The following BAZ2B variants were observed in gnomAD, a reference collection of about 807,000 sequenced individuals.
BAZ2B encodes the protein bromodomain adjacent to zinc finger domain protein 2B.
A neutral mutation model predicts 246.0 loss-of-function variants in BAZ2B; 91 were observed. The ratio of observed to expected loss-of-function variants is 0.37; its 90% CI spans 0.31 to 0.44. The LOEUF is 0.44. Ranked by LOEUF, BAZ2B falls within the 20% of genes least tolerant of loss-of-function variation. The pLI, the probability that BAZ2B is intolerant of heterozygous loss-of-function variation, is 1.00. For synonymous variants in BAZ2B, 855 were observed against 860.0 expected, an observed-to-expected ratio of 0.99 and a Z score of 0.10; for missense variants, 2,332 against 2,533.7, an observed-to-expected ratio of 0.92 and a Z score of 1.71.
At chr2:159,550,854 G>A (rs773163141) in intron 2 of BAZ2B, among the ~76,000 whole-genome samples, 1 of 151,610 alleles carries the variant, frequency 6.6e-6, no homozygotes, top group Non-Finnish European at 1.5e-5. Context: ...AAATTTTTTT[G>A]AGGCAAGGTC....
the BAZ2B span, among the ~76,000 whole-genome samples, chr2:159,650,841 A>G: frequency 6.6e-6 from 1 of 152,164 alleles, no homozygotes; most frequent in African/African-American, 2.4e-5. Context: ...CTGAGACCAT[A>G]ATAGGGCCAA....
intron 1 of BAZ2B, among the ~76,000 whole-genome samples, chr2:159,586,874 T>C (rs1688130053): frequency 6.6e-6 from 1 of 152,186 alleles, no homozygotes; most frequent in South Asian, 2.1e-4. Flanking sequence ...ACTTACAGTT[T>C]GATCTTACAA....
At chr2:159,359,279 C>A (rs970360756) in intron 27 of BAZ2B, among the ~76,000 whole-genome samples, 1 of 152,142 alleles carries the variant, frequency 6.6e-6, no homozygotes, top group Admixed American at 6.5e-5. Flanking sequence ...GTGGATATCA[C>A]CACTGATCCC....
At chr2:159,428,963 G>A (rs1286307021) in intron 11 of BAZ2B, among the ~76,000 whole-genome samples, 1 of 152,092 alleles carries the variant, frequency 6.6e-6, no homozygotes, top group African/African-American at 2.4e-5. Flanking sequence ...TTTCAGTCAT[G>A]TTCCTACTTG....
chr2:159,561,893 A>C lies in BAZ2B; in HGVS notation c.-45-6028T>G, dbSNP rs570749784. ...GGAAACAGGTTTATTTTACCATAGA[A>C]TCTTTAACGTATAATAGAGCTTAGG... On this transcript the variant is annotated intron_variant, in intron 1 of 36. Coordinates refer to ENST00000392783, the MANE Select transcript of BAZ2B (RefSeq NM_013450.4). Among the ~76,000 whole-genome samples the C allele has an allele frequency of 4.2e-4, 64 of 152,290 alleles. 1 individual carries two copies. The South Asian group carries it at 0.013, about 30-fold the overall frequency.
chr2:159,677,063 T>C, the BAZ2B span, among the ~76,000 whole-genome samples: 1 of 149,280 alleles, frequency 6.7e-6, no homozygotes, highest in South Asian at 2.1e-4. Context: ...AGAAGTCCTG[T>C]ATTGTGCTGA....
intron 34 of BAZ2B, among the ~76,000 whole-genome samples, chr2:159,327,883 G>C (rs2063945911): frequency 6.6e-6 from 1 of 152,118 alleles, no homozygotes; most frequent in Non-Finnish European, 1.5e-5. Context: ...TGGCCAACAT[G>C]GTGAAACCCC....
At chr2:159,508,118 G>A (rs1361963957) in intron 2 of BAZ2B, among the ~76,000 whole-genome samples, 3 of 152,236 alleles carry the variant, frequency 2.0e-5, no homozygotes, top group Admixed American at 2.0e-4. Context: ...CAATCTACCC[G>A]CCTTGGCCTC....
At chr2:159,415,273 C>T (rs1046131321) in intron 13 of BAZ2B, among the ~76,000 whole-genome samples, 10 of 151,706 alleles carry the variant, frequency 6.6e-5, no homozygotes, top group African/African-American at 2.4e-4. Flanking sequence ...AGTGAAACCC[C>T]GTCTCTACTA....
chr2:159,696,784 G>GC, the BAZ2B span, among the ~76,000 whole-genome samples: 3 of 151,914 alleles, frequency 2.0e-5, no homozygotes, highest in Non-Finnish European at 2.9e-5. Context: ...GTGTTTTTTT[G>GC]TTTTGTTTTG....
At chr2:159,659,774 G>A in the BAZ2B span, among the ~76,000 whole-genome samples, 2 of 152,140 alleles carry the variant, frequency 1.3e-5, no homozygotes, top group Admixed American at 1.3e-4. Context: ...TTCTCAATGT[G>A]TTGTCTGCTT....
intron 2 of BAZ2B, among the ~76,000 whole-genome samples, chr2:159,510,523 T>G (rs1213127999): frequency 6.6e-6 from 1 of 152,064 alleles, no homozygotes; most frequent in Admixed American, 6.6e-5. Flanking sequence ...GATGAAAAAA[T>G]TTTGGAAATA....
the BAZ2B span, among the ~76,000 whole-genome samples, chr2:159,649,950 T>G: frequency 6.6e-6 from 1 of 152,208 alleles, no homozygotes; most frequent in East Asian, 1.9e-4. Context: ...TTTGAATGTT[T>G]TCTATTGTAA....
chr2:159,489,836 C>A (rs2080247732), intron 2 of BAZ2B, among the ~76,000 whole-genome samples: 1 of 152,046 alleles, frequency 6.6e-6, no homozygotes, highest in Admixed American at 6.6e-5. Flanking sequence ...CTGCTTAAGC[C>A]CAGGAGTTTT....
At position 159,332,522 on chromosome 2, in the gene BAZ2B, G is replaced by GTTT; in HGVS notation, c.5943+15_5943+17dup. On this transcript the variant is annotated intron_variant, in intron 34 of 36. Coordinates refer to ENST00000392783, the MANE Select transcript of BAZ2B (RefSeq NM_013450.4). The stretch of plus-strand genomic sequence containing the variant: ...AAGATAAAATAAAATGAAAAGTTTA[G>GTTT]TTTTAGATTGGTCTTACCTTAGCAA... 6 of 1,578,184 alleles carry GTTT rather than the reference G, an allele frequency of 3.8e-6. No individual in the cohort carries two copies. Among genetic ancestry groups the GTTT allele is most frequent in the Non-Finnish European group, 4.3e-6 (5 of 1,167,624 alleles).
chr2:159,489,238 T>C lies in BAZ2B; in HGVS notation c.-2-10517A>G, dbSNP rs370580870. 2.6e-5 allele frequency among the ~76,000 whole-genome samples: 4 copies of C among 152,028 alleles called. No homozygotes were observed. The East Asian group carries it at 5.8e-4, about 22-fold the overall frequency. On this transcript the variant is annotated intron_variant, in intron 2 of 36. Coordinates refer to ENST00000392783, the MANE Select transcript of BAZ2B (RefSeq NM_013450.4). ...AAATAGAAGACATAAAGAAAACTAA[T>C]AGAAACTTTAGAACTGACAACAGTA...
rs577334125 is a variant in BAZ2B at position 159,534,688 on chromosome 2, C to T, written c.-3+21135G>A. Among the ~76,000 whole-genome samples the T allele has an allele frequency of 1.4e-4, 21 of 151,528 alleles. No homozygotes were observed. In the East Asian group the frequency reaches 3.3e-3, roughly 24 times the overall value. ...CTGTCGCCAGGCTGGAGGGCAGTGG[C>T]GCCCACCTCTCAGGTTCAAGCAATT... On this transcript the variant is annotated intron_variant, in intron 2 of 36. Coordinates refer to ENST00000392783, the MANE Select transcript of BAZ2B (RefSeq NM_013450.4).
intron 1 of BAZ2B, among the ~76,000 whole-genome samples, chr2:159,558,704 G>C (rs2089496664): frequency 6.6e-6 from 1 of 152,182 alleles, no homozygotes; most frequent in Non-Finnish European, 1.5e-5. Flanking sequence ...AGACCTATAA[G>C]TAGGGCCCAT....
At chr2:159,501,539 C>T (rs985695634) in intron 2 of BAZ2B, among the ~76,000 whole-genome samples, 22 of 151,764 alleles carry the variant, frequency 1.4e-4, no homozygotes, top group African/African-American at 4.1e-4. Flanking sequence ...AAAGTACAAA[C>T]TCAGTAATAA....
Sources: gnomAD v4.1 joint callset for allele counts (sites outside exome capture counted in the v4.1 genomes callset) on GRCh38, gnomAD v4.1.1 for gene constraint, MANE v1.5 for transcripts, NCBI Gene and HGNC (gene_info 2026-07-23, HGNC 2026-07-21) for gene names.